Variants in NRXN3 observed in about 807,000 individuals in gnomAD.
NRXN3 encodes the protein neurexin 3.
In NRXN3, 32 loss-of-function variants were observed where a neutral mutation model predicts 137.6. The ratio of observed to expected loss-of-function variants is 0.23; its 90% confidence interval spans 0.18 to 0.31. NRXN3 has a LOEUF of 0.31. NRXN3 is among the 10% of genes least tolerant of loss of function. The pLI is 1.00. For synonymous variants in NRXN3, 798 were observed against 784.5 expected, an observed-to-expected ratio of 1.02 and a Z score of -0.29; for missense variants, 1,574 against 2,062.5, an observed-to-expected ratio of 0.76 and a Z score of 4.59.
chr14:78,495,140 T>TGTGTGTGTGTGTGTGTGCGTGC (rs2095754275), intron 4 of NRXN3, among the ~76,000 whole-genome samples: 1 of 17,738 alleles, frequency 5.6e-5, no homozygotes, highest in Non-Finnish European at 1.2e-4. Context: ...TGTGCGTGCG[T>TGTGTGTGTGTGTGTGTGCGTGC]GTGTGTGTGT....
intron 15 of NRXN3, among the ~76,000 whole-genome samples, chr14:79,466,573 G>C (rs1046493223): frequency 6.6e-6 from 1 of 152,030 alleles, no homozygotes; most frequent in African/African-American, 2.4e-5. Flanking sequence ...GGGCAACAGA[G>C]AGAGACTCCA....
chr14:79,705,149 C>T (rs1195885233), intron 19 of NRXN3, among the ~76,000 whole-genome samples: 3 of 152,118 alleles, frequency 2.0e-5, no homozygotes, highest in African/African-American at 7.2e-5. Flanking sequence ...AGTGCTGGCT[C>T]TTATTTCTAG....
intron 18 of NRXN3, among the ~76,000 whole-genome samples, chr14:79,694,835 G>C (rs1208350456): frequency 6.6e-6 from 1 of 151,934 alleles, no homozygotes; most frequent in Non-Finnish European, 1.5e-5. Context: ...CTAATCCAAG[G>C]TACAGGGAGC....
intron 2 of NRXN3, among the ~76,000 whole-genome samples, chr14:78,277,089 C>T (rs1327715559): frequency 6.6e-6 from 1 of 152,098 alleles, no homozygotes; most frequent in African/African-American, 2.4e-5. Flanking sequence ...CTAGGGGAGG[C>T]AAGGTGGGGG....
intron 15 of NRXN3, among the ~76,000 whole-genome samples, chr14:79,316,926 G>A (rs183868668): frequency 6.6e-6 from 1 of 152,246 alleles, no homozygotes; most frequent in Non-Finnish European, 1.5e-5. Context: ...GAGGTGAAAA[G>A]TCTGAAATAA....
intron 16 of NRXN3, among the ~76,000 whole-genome samples, chr14:79,575,053 T>C (rs1034157165): frequency 2.0e-5 from 3 of 152,178 alleles, no homozygotes; most frequent in Non-Finnish European, 4.4e-5. Context: ...AATTTGAGGA[T>C]CTTATACTTT....
At chr14:78,769,045 A>C (rs1173947883) in intron 8 of NRXN3, among the ~76,000 whole-genome samples, 1 of 152,150 alleles carries the variant, frequency 6.6e-6, no homozygotes, top group East Asian at 1.9e-4. Context: ...CTCTAATCAC[A>C]TGGTTGGTTT....
chr14:79,258,159 G>A (rs138940307), intron 15 of NRXN3, among the ~76,000 whole-genome samples: 10 of 152,196 alleles, frequency 6.6e-5, no homozygotes, highest in Non-Finnish European at 1.3e-4. Flanking sequence ...TTCTGCATAA[G>A]GGTCACAAAA....
chr14:78,493,865 C>T lies in NRXN3; in HGVS notation c.758-151255C>T, dbSNP rs563707082. On this transcript the variant is annotated intron_variant, in intron 4 of 20. Coordinates refer to ENST00000335750, the MANE Select transcript of NRXN3 (RefSeq NM_001330195.2). ...ATATAAAACAAAACCTACTTAAGGTCCAGATTTTTTTGTCCCAGCATTTAA... is the reference window on the plus strand; with the variant it reads ...ATATAAAACAAAACCTACTTAAGGTTCAGATTTTTTTGTCCCAGCATTTAA... 7.9e-5 allele frequency among the ~76,000 whole-genome samples: 12 copies of T among 152,280 alleles called. No homozygotes were observed. The South Asian group carries it at 1.5e-3, about 18-fold the overall frequency.
intron 10 of NRXN3, among the ~76,000 whole-genome samples, chr14:78,839,297 G>A (rs949133005): frequency 1.4e-4 from 22 of 152,178 alleles, no homozygotes; most frequent in African/African-American, 5.3e-4. Context: ...GATCTTTAAG[G>A]AACTTAACAT....
chr14:79,275,205 C>T (rs2080088976), intron 15 of NRXN3, among the ~76,000 whole-genome samples: 1 of 151,972 alleles, frequency 6.6e-6, no homozygotes, highest in South Asian at 2.1e-4. Context: ...TTTTTCAGGA[C>T]TTTTATTTCA....
Position 78,880,069 on chromosome 14 carries a change from CT to C in NRXN3, c.2275+69726del, listed in dbSNP as rs1419748026. Among the ~76,000 whole-genome samples the C allele has an allele frequency of 2.7e-4, 39 of 144,562 alleles. 2 individuals carry two copies. The highest frequency in any genetic ancestry group is 1.1e-3 in the African/African-American group (37 of 34,850). 94.8% of individuals were successfully genotyped at this position (144,562 alleles called of 152,430 possible). ...CCCGGCTAAAACGGTGAAACCCCGT[CT>C]CTACTAAAAATACAAAAAAATTAGC... On this transcript the variant is annotated intron_variant, in intron 10 of 20. Coordinates refer to ENST00000335750, the MANE Select transcript of NRXN3 (RefSeq NM_001330195.2).
At chr14:78,214,154 T>C (rs988703262) in intron 1 of NRXN3, among the ~76,000 whole-genome samples, 2 of 152,214 alleles carry the variant, frequency 1.3e-5, no homozygotes, top group African/African-American at 4.8e-5. Context: ...TCCATTCTTA[T>C]TGCCTACTAT....
intron 10 of NRXN3, among the ~76,000 whole-genome samples, chr14:78,853,251 T>C (rs2099047892): frequency 6.6e-6 from 1 of 152,168 alleles, no homozygotes; most frequent in Admixed American, 6.6e-5. Flanking sequence ...CGGTGTGTGA[T>C]GTTCCCCTTC....
At chr14:78,224,748 G>GTTT (rs1567008554) in intron 1 of NRXN3, among the ~76,000 whole-genome samples, 12 of 78,730 alleles carry the variant, frequency 1.5e-4, no homozygotes, top group Admixed American at 3.4e-4. Context: ...GTGTGCATGT[G>GTTT]TCTTTTTTTT....
At chr14:79,410,465 G>T (rs1424934756) in intron 15 of NRXN3, among the ~76,000 whole-genome samples, 3 of 151,130 alleles carry the variant, frequency 2.0e-5, no homozygotes, top group Non-Finnish European at 2.9e-5. Flanking sequence ...ATTCCCAGAA[G>T]GTTTTTTTTT....
intron 2 of NRXN3, among the ~76,000 whole-genome samples, chr14:78,254,770 A>G (rs2069246513): frequency 6.6e-6 from 1 of 152,156 alleles, no homozygotes; most frequent in African/African-American, 2.4e-5. Context: ...CCATCATGGT[A>G]GCCAGAGTCA....
intron 4 of NRXN3, among the ~76,000 whole-genome samples, chr14:78,383,227 T>C (rs902769560): frequency 6.6e-6 from 1 of 152,148 alleles, no homozygotes; most frequent in African/African-American, 2.4e-5. Flanking sequence ...TTTGGCATGG[T>C]GTCTTTGCTT....
intron 15 of NRXN3, among the ~76,000 whole-genome samples, chr14:79,420,921 A>T (rs755768696): frequency 6.6e-6 from 1 of 152,158 alleles, no homozygotes; most frequent in Admixed American, 6.5e-5. Context: ...AACGCACTGA[A>T]CAAATATTAA....
Sources: gnomAD v4.1 joint callset for allele counts (sites outside exome capture counted in the v4.1 genomes callset) on GRCh38, gnomAD v4.1.1 for gene constraint, MANE v1.5 for transcripts, NCBI Gene and HGNC (gene_info 2026-07-23, HGNC 2026-07-21) for gene names.